CDC25B: variants seen among roughly 807,000 people sequenced by gnomAD.
CDC25B encodes cell division cycle 25B, also known as M-phase inducer phosphatase 2.
A neutral mutation model predicts 69.8 loss-of-function variants in CDC25B; 33 were observed. The observed-to-expected ratio is 0.47, with a 90% CI of 0.36 to 0.63. The LOEUF (loss-of-function observed/expected upper bound fraction) is 0.63, where lower values mean the gene tolerates loss of function less well. CDC25B is among the 30% of genes least tolerant of loss of function. The pLI, the probability that CDC25B is intolerant of heterozygous loss-of-function variation, is 0.00. For synonymous variants in CDC25B, 341 were observed against 314.6 expected (o/e 1.08, Z -0.89); for missense variants, 727 against 809.1 (o/e 0.90, Z 1.23).
chr20:3,799,721 A>C (rs1030232880), intron 3 of CDC25B, among the ~76,000 whole-genome samples: 14 of 152,006 alleles, frequency 9.2e-5, no homozygotes, highest in African/African-American at 3.4e-4. Flanking sequence ...GTGAGCCTGC[A>C]CGTTTGTCAC....
In CDC25B at chr20:3,803,038, GGGACAGGCTAGGGCCACCT is replaced by G; in HGVS notation, c.1257+68_1258-50del. 6.3e-7 allele frequency: 1 copy of G among 1,595,948 alleles called. No homozygotes were observed. The highest frequency in any genetic ancestry group is 8.6e-7 in the Non-Finnish European group (1 of 1,163,440). Reference sequence around the variant, plus strand: ...GTAGCTCCATTGTTGACCTTCCCTGGGGACAGGCTAGGGCCACCTGCCAGCTGCCAGCCTGACCTGCCGG... The same window carrying G: ...GTAGCTCCATTGTTGACCTTCCCTGGGCCAGCTGCCAGCCTGACCTGCCGG... On this transcript the variant is annotated intron_variant, in intron 12 of 15. Coordinates refer to ENST00000245960, the MANE Select transcript of CDC25B (RefSeq NM_021873.4). The surrounding 1 kb of genome is among the most constrained non-coding windows in gnomAD (Gnocchi z 4.9).
Position 3,804,700 on chromosome 20 carries a change from C to T in CDC25B, c.1602+20C>T, listed in dbSNP as rs2089413231. On this transcript the variant is annotated intron_variant, in intron 15 of 15. Transcript: ENST00000245960. ...CACCCGGTAGCGTGGGTGGGGAAGG[C>T]CACAGTCTCTGTGTGAGGGTTGGCT... The T allele has an allele frequency of 6.2e-7, 1 of 1,602,652 alleles. No homozygotes were observed. The highest frequency in any genetic ancestry group is 8.5e-7 in the Non-Finnish European group (1 of 1,170,052).
chr20:3,801,712 C>T lies in CDC25B; in HGVS notation c.841-10C>T. 5 of 1,587,462 alleles carry T rather than the reference C, an allele frequency of 3.1e-6. No homozygotes were observed. The highest frequency in any genetic ancestry group is 4.3e-6 in the Non-Finnish European group (5 of 1,167,832). On this transcript the variant is annotated splice_polypyrimidine_tract_variant and intron_variant, in intron 8 of 15. Coordinates refer to ENST00000245960, the MANE Select transcript of CDC25B (RefSeq NM_021873.4). ...GGGTTGTGACCCTGTCCTTGCTAAT[C>T]TGGCCTCAGGATGATGATGCAGTTC...
intron 1 of CDC25B, among the ~76,000 whole-genome samples, chr20:3,789,460 T>C (rs1477139064): frequency 6.6e-6 from 1 of 152,064 alleles, no homozygotes; most frequent in Non-Finnish European, 1.5e-5. Context: ...AACCTCCTCC[T>C]CCCTGGTTCA....
chr20:3,805,967 C>A lies in CDC25B; in HGVS notation c.*1006C>A. 2.5e-6 allele frequency: 1 copy of A among 401,014 alleles called. No individual in the cohort carries two copies. Among genetic ancestry groups the A allele is most frequent in the South Asian group, 1.3e-4 (1 of 7,908 alleles). 24.8% of individuals were successfully genotyped at this position (401,014 alleles called of 1,614,324 possible). A position where few individuals can be genotyped will look rare whatever the true frequency, so the allele number is the denominator to read the frequency against. ...TTTACACTTAGGGTTTGGAGCTATT[C>A]AAGAGGAAATGTCACAGAAGCAGCT... On this transcript the variant is annotated 3_prime_UTR_variant, in exon 16 of 16. Coordinates refer to ENST00000245960, the MANE Select transcript of CDC25B (RefSeq NM_021873.4).
At chr20:3,789,997 A>AG (rs1330650037) in intron 1 of CDC25B, among the ~76,000 whole-genome samples, 1 of 151,934 alleles carries the variant, frequency 6.6e-6, no homozygotes, top group East Asian at 2.0e-4. Context: ...TCAAAAAAAA[A>AG]AAAAATTAGC....
chr20:3,801,885 G>A, intron 9 of CDC25B, 39 bp from the exon 10 acceptor site: 1 of 1,590,662 alleles, frequency 6.3e-7, no homozygotes, highest in African/African-American at 1.3e-5. Flanking sequence ...ATGGGACGGG[G>A]CCTGGGCACC....
chr20:3,798,847 TA>T (rs1409198458), intron 3 of CDC25B, among the ~76,000 whole-genome samples: 1 of 152,230 alleles, frequency 6.6e-6, no homozygotes, highest in Admixed American at 6.5e-5. Flanking sequence ...ATGATCCAAC[TA>T]ATTCAAAACT....
At chr20:3,800,663 G>A (rs1057375613) in intron 5 of CDC25B, 80 bp from the exon 6 acceptor site, 81 of 1,596,334 alleles carry the variant, frequency 5.1e-5, no homozygotes, top group Non-Finnish European at 6.6e-5. Flanking sequence ...TGGAGGAGAG[G>A]TGGAGAAGGT....
In CDC25B at chr20:3,805,551, T is replaced by A; in HGVS notation, c.*590T>A. 1 of 389,028 alleles carries A rather than the reference T, an allele frequency of 2.6e-6. No homozygotes were observed. The highest frequency in any genetic ancestry group is 4.5e-6 in the Non-Finnish European group (1 of 220,358). 24.1% of individuals were successfully genotyped at this position (389,028 alleles called of 1,614,324 possible). On this transcript the variant is annotated 3_prime_UTR_variant, in exon 16 of 16. Coordinates refer to ENST00000245960, the MANE Select transcript of CDC25B (RefSeq NM_021873.4). ...CTTTCCTATTTCAGTGTTACCTGTG[T>A]GCTTGGTCTGTTTGACTTTACGCCC...
intron 10 of CDC25B, 88 bp downstream of exon 10, chr20:3,802,188 C>A: frequency 1.9e-6 from 3 of 1,548,274 alleles, no homozygotes; most frequent in Non-Finnish European, 2.6e-6. Context: ...CAGGTGGCAG[C>A]CTGGGCATGG....
rs201436986 is a variant in CDC25B, at chr20:3,800,498, G to C, written c.459G>C (p.Pro153=). The change falls in exon 5 of 16, where the codon CCG becomes CCC. Residue 153 remains proline (P), a splice_region_variant and synonymous_variant. Coordinates refer to ENST00000245960, the MANE Select transcript of CDC25B (RefSeq NM_021873.4). ...CCATCAGACGCTTCCAGTCTATGCC[G>C]GTGAGTGTCTTCGAGGCCTGACTGA... The part of the protein sequence containing the change: ...QFAIRRFQSM[P]VRLLGHSPVL... 6.2e-7 allele frequency: 1 copy of C among 1,614,126 alleles called. No homozygotes were observed.
upstream of CDC25B, among the ~76,000 whole-genome samples, chr20:3,792,044 G>C (rs573496729): frequency 6.6e-6 from 1 of 152,036 alleles, no homozygotes; most frequent in Admixed American, 6.5e-5. Context: ...CTCCCAAGTA[G>C]CTGGGATTAC....
At position 3,806,096 on chromosome 20, in the gene CDC25B, G is replaced by A. The variant is rs947189908; in HGVS notation, c.*1135G>A. On this transcript the variant is annotated 3_prime_UTR_variant, in exon 16 of 16. Coordinates refer to ENST00000245960, the MANE Select transcript of CDC25B (RefSeq NM_021873.4). ...TCTGTTAGGGCCTTGGTTCAATAAA[G>A]CACTGAGCAAGTTGAGAAACCAGCA... is the stretch of plus-strand genomic sequence containing the variant. 1.0e-5 allele frequency: 4 copies of A among 396,202 alleles called. No homozygotes were observed. The highest frequency in any genetic ancestry group is 8.2e-5 in the African/African-American group (4 of 48,594). 24.5% of individuals were successfully genotyped at this position (396,202 alleles called of 1,614,324 possible).
chr20:3,802,451 G>A, intron 11 of CDC25B, 75 bp downstream of exon 11: 1 of 1,012,240 alleles, frequency 9.9e-7, no homozygotes, highest in Non-Finnish European at 1.5e-6. Context: ...CCCAGGGGCT[G>A]CTTGGGTTCC....
Position 3,801,930 on chromosome 20 carries a change from G to C in CDC25B, c.928G>C (p.Val310Leu). The part of the protein sequence containing the change: ...TLEKEEEKDL[V>L]MYSKCQRLFR... ...AACCTGCTGTCCCTGCCAGGACCTCGTCATGTACAGCAAGTGCCAGCGGCT... is the reference window on the plus strand; with the variant it reads ...AACCTGCTGTCCCTGCCAGGACCTCCTCATGTACAGCAAGTGCCAGCGGCT... Residue 310 changes from valine (V) to leucine (L), a missense_variant, in exon 10 of 16, where the codon GTC becomes CTC. By Grantham distance (32) the Val-to-Leu change is conservative. Around this residue, in one of 2 missense-constraint regions of CDC25B, gnomAD observed 359 missense variants for 463.4 expected, o/e 0.77. Coordinates refer to ENST00000245960, the MANE Select transcript of CDC25B (RefSeq NM_021873.4). 6.2e-7 allele frequency: 1 copy of C among 1,610,392 alleles called. No individual in the cohort carries two copies. The highest frequency in any genetic ancestry group is 8.5e-7 in the Non-Finnish European group (1 of 1,177,864).
upstream of CDC25B, chr20:3,795,737 T>C (rs537551827): frequency 1.0e-6 from 1 of 985,498 alleles, no homozygotes; most frequent in Admixed American, 6.1e-5. Context: ...GCGAATGACG[T>C]TTTGCTGCTG....
At chr20:3,795,341 A>G (rs1313057022), upstream of CDC25B, among the ~76,000 whole-genome samples, 1 of 147,518 alleles carries the variant, frequency 6.8e-6, no homozygotes, top group Non-Finnish European at 1.5e-5. Flanking sequence ...CCGGGTTGAC[A>G]GAGGGAGACT....
chr20:3,791,018 GAA>G (rs1568498423), intron 1 of CDC25B, among the ~76,000 whole-genome samples: 1 of 152,074 alleles, frequency 6.6e-6, no homozygotes, highest in South Asian at 2.1e-4. Flanking sequence ...TTTACTCTAG[GAA>G]ACTTGTTCAG....
Sources: allele counts gnomAD v4.1 joint callset (sites outside exome capture counted in the v4.1 genomes callset), GRCh38; gene constraint gnomAD v4.1.1; regional missense constraint gnomAD v4.1.1; non-coding constraint Gnocchi (gnomAD v3.1); transcripts MANE v1.5; gene names NCBI Gene and HGNC (gene_info 2026-07-23, HGNC 2026-07-21).